Variants in PTPDC1 observed in about 807,000 individuals in gnomAD.
PTPDC1 encodes the protein protein tyrosine phosphatase domain containing 1, also known as protein tyrosine phosphatase domain-containing protein 1.
Under a neutral mutation model 75.3 loss-of-function variants are expected in PTPDC1, and 53 were observed. The ratio of observed to expected loss-of-function variants is 0.70; its 90% CI spans 0.56 to 0.88. The LOEUF (loss-of-function observed/expected upper bound fraction) is 0.88. PTPDC1 is among the 40% of genes least tolerant of loss of function. The pLI is 0.00. For missense variants in PTPDC1, 925 were observed against 998.6 expected (o/e 0.93, Z 0.99); for synonymous variants, 349 against 366.2 (o/e 0.95, Z 0.54).
chr9:94,032,966 A>G (rs917910933), intron 1 of PTPDC1, among the ~76,000 whole-genome samples: 3 of 152,152 alleles, frequency 2.0e-5, no homozygotes, highest in Non-Finnish European at 2.9e-5. Flanking sequence ...GGCTCAAGCA[A>G]TCCTCCCACC....
chr9:94,036,435 G>T (rs1228125390), intron 1 of PTPDC1, among the ~76,000 whole-genome samples: 2 of 151,848 alleles, frequency 1.3e-5, no homozygotes. Flanking sequence ...TTCCCAACAC[G>T]ATTTATTTAA....
At chr9:94,094,705 A>C (rs566868040) in intron 4 of PTPDC1, among the ~76,000 whole-genome samples, 1 of 152,262 alleles carries the variant, frequency 6.6e-6, no homozygotes, top group African/African-American at 2.4e-5. Flanking sequence ...TTGATCTCAG[A>C]CTGCTGTGCT....
intron 6 of PTPDC1, among the ~76,000 whole-genome samples, chr9:94,099,030 T>C (rs1827736302): frequency 6.6e-6 from 1 of 152,168 alleles, no homozygotes; most frequent in African/African-American, 2.4e-5. Flanking sequence ...GTCAGAAGAG[T>C]GAGGCTGTCT....
At chr9:94,071,548 G>C (rs545359509) in intron 2 of PTPDC1, among the ~76,000 whole-genome samples, 32 of 152,148 alleles carry the variant, frequency 2.1e-4, no homozygotes, top group Non-Finnish European at 2.5e-4. Flanking sequence ...CAAGTCTTCA[G>C]AACTTTTCAT....
chr9:94,036,866 A>G (rs1208256198), intron 1 of PTPDC1, among the ~76,000 whole-genome samples: 3 of 152,206 alleles, frequency 2.0e-5, no homozygotes, highest in Non-Finnish European at 1.5e-5. Flanking sequence ...AAGCAGCACC[A>G]TTTGTTCCCT....
intron 6 of PTPDC1, among the ~76,000 whole-genome samples, chr9:94,099,828 C>T (rs893985450): frequency 2.0e-5 from 3 of 152,312 alleles, no homozygotes; most frequent in East Asian, 1.9e-4. Context: ...GGTGATGAAG[C>T]GTTCAGGACT....
Position 94,084,557 on chromosome 9 carries a change from G to T in PTPDC1, c.27G>T (p.Arg9=), listed in dbSNP as rs1305386700. MQVQDATR[R]PSAVRFLSSF... ...TGCAGGTGCAGGATGCAACCAGGCG[G>T]CCCTCAGCCGTGCGCTTCCTCAGCT... The change falls in exon 1 of 9, where the codon CGG becomes CGT. Residue 9 remains arginine (R), a synonymous_variant. Coordinates refer to ENST00000620992, the MANE Select transcript of PTPDC1 (RefSeq NM_001253829.2). 1 of 1,612,624 alleles carries T rather than the reference G, an allele frequency of 6.2e-7. No homozygotes were observed. The highest frequency in any genetic ancestry group is 8.5e-7 in the Non-Finnish European group (1 of 1,180,010).
intron 4 of PTPDC1, among the ~76,000 whole-genome samples, chr9:94,094,354 T>G (rs912719678): frequency 1.2e-4 from 10 of 84,696 alleles, no homozygotes; most frequent in Non-Finnish European, 1.4e-4. Context: ...GAGGTGTCAG[T>G]GTGCCCCTGC....
rs1363426958 is a variant in PTPDC1 at position 94,097,464 on chromosome 9, C to A, written c.898C>A (p.Pro300Thr). Reference protein sequence around the residue: ...CVREFTQFLTPLRNIFSCCDP... With the variant: ...CVREFTQFLTTLRNIFSCCDP... ...AAGGGAATTTACTCAGTTTCTAACTCCTCTCCGCAATATATTCTCTTGCTG... is the reference window on the plus strand; with the variant it reads ...AAGGGAATTTACTCAGTTTCTAACTACTCTCCGCAATATATTCTCTTGCTG... Residue 300 changes from proline (P) to threonine (T), a missense_variant, in exon 6 of 9, where the codon CCT (proline) becomes ACT (threonine). By Grantham distance (38) the Pro-to-Thr change is conservative. Coordinates refer to ENST00000620992, the MANE Select transcript of PTPDC1 (RefSeq NM_001253829.2). 6.2e-7 allele frequency: 1 copy of A among 1,614,216 alleles called. No homozygotes were observed. Among genetic ancestry groups the A allele is most frequent in the South Asian group, 1.1e-5 (1 of 91,090 alleles).
chr9:94,084,219 A>C (rs1826982730), upstream of PTPDC1, among the ~76,000 whole-genome samples: 1 of 152,176 alleles, frequency 6.6e-6, no homozygotes. Flanking sequence ...TTTGGGGAGT[A>C]ATTCTTTGGT....
upstream of PTPDC1, among the ~76,000 whole-genome samples, chr9:94,082,928 T>C (rs146780653): frequency 8.9e-4 from 135 of 152,316 alleles, 1 homozygote; most frequent in African/African-American, 3.1e-3. Flanking sequence ...TCATTTTTAG[T>C]GTAGTTGAAA....
chr9:94,107,457 C>T (rs1056510091), intron 8 of PTPDC1, among the ~76,000 whole-genome samples: 1 of 152,214 alleles, frequency 6.6e-6, no homozygotes, highest in African/African-American at 2.4e-5. Flanking sequence ...GCCGTAGGGC[C>T]TCTCAGCAGG....
chr9:94,056,932 AC>A (rs1375461870), intron 1 of PTPDC1, among the ~76,000 whole-genome samples: 1 of 152,236 alleles, frequency 6.6e-6, no homozygotes, highest in Non-Finnish European at 1.5e-5. Flanking sequence ...TCTGTCATTG[AC>A]AACAGGAAAT....
At chr9:94,064,441 G>T in intron 1 of PTPDC1, among the ~76,000 whole-genome samples, 1 of 152,186 alleles carries the variant, frequency 6.6e-6, no homozygotes, top group Admixed American at 6.5e-5. Context: ...TTTTCTCAAT[G>T]GAAACTGTAT....
At chr9:94,055,873 T>C (rs1825917183) in intron 1 of PTPDC1, among the ~76,000 whole-genome samples, 2 of 152,200 alleles carry the variant, frequency 1.3e-5, no homozygotes, top group African/African-American at 4.8e-5. Flanking sequence ...AGTATCATTA[T>C]ACCTTTTCTA....
In PTPDC1 at chr9:94,097,746, GA is replaced by G. The variant is rs746155865; in HGVS notation, c.1181del (p.Asp394AlafsTer22). The G allele has an allele frequency of 6.2e-7, 1 of 1,614,220 alleles. No homozygotes were observed. On this transcript the variant is annotated frameshift_variant, in exon 6 of 9. Coordinates refer to ENST00000620992, the MANE Select transcript of PTPDC1 (RefSeq NM_001253829.2). LOFTEE classifies it high-confidence loss of function. ...MQLDKELLRH[D>X]SDVSNPPNPT... ...GCTGGATAAAGAGTTACTGAGGCAT[GA>G]CAGTGATGTGTCCAACCCGCCTAAC...
intron 4 of PTPDC1, among the ~76,000 whole-genome samples, chr9:94,088,493 C>A (rs541054974): frequency 6.6e-6 from 1 of 152,266 alleles, no homozygotes; most frequent in South Asian, 2.1e-4. Context: ...TAATGATTAA[C>A]ATTTAGTTAA....
At chr9:94,075,134 G>GA (rs1266100667) in intron 2 of PTPDC1, among the ~76,000 whole-genome samples, 4 of 128,194 alleles carry the variant, frequency 3.1e-5, no homozygotes, top group African/African-American at 1.6e-4. Context: ...TCTGATGGGG[G>GA]GAATCATCTT....
chr9:94,061,782 A>G (rs989702331), intron 1 of PTPDC1, among the ~76,000 whole-genome samples: 2 of 152,232 alleles, frequency 1.3e-5, no homozygotes, highest in African/African-American at 2.4e-5. Context: ...GGCCCTGGGC[A>G]TAGCCCACAG....
Sources: gnomAD v4.1 joint callset for allele counts (sites outside exome capture counted in the v4.1 genomes callset) on GRCh38, gnomAD v4.1.1 for gene constraint, MANE v1.5 for transcripts, NCBI Gene and HGNC (gene_info 2026-07-23, HGNC 2026-07-21) for gene names.